NXPE2: variants seen among roughly 807,000 people sequenced by gnomAD.
NXPE2 encodes the protein NXPE family member 2.
In NXPE2, 34 loss-of-function variants were observed where a neutral mutation model predicts 34.4. The observed-to-expected ratio is 0.99, with a 90% CI of 0.75 to 1.31. The LOEUF (loss-of-function observed/expected upper bound fraction) is 1.31. Among genes scored for constraint, NXPE2 ranks in the 40% most tolerant of loss-of-function variants. NXPE2 has a pLI of 0.00. For synonymous variants in NXPE2, 235 were observed against 231.3 expected (o/e 1.02, Z -0.15); for missense variants, 649 against 672.5 (o/e 0.97, Z 0.39).
rs946364891 is a variant in NXPE2, at chr11:114,694,861, G to T, written c.133-3184G>T. On this transcript the variant is annotated intron_variant, in intron 2 of 5. Transcript: ENST00000389586. The stretch of plus-strand genomic sequence containing the variant: ...CTTGTTTTGTATTTTTTTTATTAGA[G>T]CCCTAAGTATTAATACCTCAATCAT... 2.6e-5 allele frequency among the ~76,000 whole-genome samples: 4 copies of T among 151,328 alleles called. 1 individual carries two copies. The highest frequency in any genetic ancestry group is 6.6e-5 in the Admixed American group (1 of 15,228).
At chr11:114,738,359 C>A in the NXPE2 span, among the ~76,000 whole-genome samples, 1 of 152,180 alleles carries the variant, frequency 6.6e-6, no homozygotes, top group African/African-American at 2.4e-5. Flanking sequence ...CACCAGAGTC[C>A]TACCACTATG....
chr11:114,613,364 G>A, the NXPE2 span, among the ~76,000 whole-genome samples: 38,520 of 150,614 alleles, frequency 0.26, 5,436 homozygotes, highest in African/African-American at 0.37. Context: ...GGATAACCAC[G>A]GTTACCCTGT....
the NXPE2 span, among the ~76,000 whole-genome samples, chr11:114,533,812 C>T: frequency 2.0e-5 from 3 of 152,224 alleles, no homozygotes; most frequent in African/African-American, 7.2e-5. Flanking sequence ...TGGAGCCCAC[C>T]ACAGCTCAAG....
At chr11:114,739,641 T>C in the NXPE2 span, among the ~76,000 whole-genome samples, 2 of 152,062 alleles carry the variant, frequency 1.3e-5, no homozygotes, top group Non-Finnish European at 2.9e-5. Flanking sequence ...AATAACATTA[T>C]TATTAACTGT....
At chr11:114,632,570 T>A in the NXPE2 span, among the ~76,000 whole-genome samples, 4 of 113,952 alleles carry the variant, frequency 3.5e-5, no homozygotes, top group Non-Finnish European at 6.5e-5. Flanking sequence ...TATATTTACA[T>A]ATATCATATA....
chr11:114,776,321 G>T, the NXPE2 span, among the ~76,000 whole-genome samples: 2 of 152,252 alleles, frequency 1.3e-5, no homozygotes, highest in Non-Finnish European at 1.5e-5. Context: ...TGTCCGTTTT[G>T]TCCACCTGCC....
At chr11:114,577,356 G>A in the NXPE2 span, among the ~76,000 whole-genome samples, 2 of 151,604 alleles carry the variant, frequency 1.3e-5, no homozygotes, top group Admixed American at 1.3e-4. Flanking sequence ...CTATGAGGAC[G>A]CAAAGGCTTA....
chr11:114,468,131 TAA>T, the NXPE2 span, among the ~76,000 whole-genome samples: 69 of 135,642 alleles, frequency 5.1e-4, 1 homozygote, highest in Admixed American at 8.1e-4. Flanking sequence ...GCTGATGAGC[TAA>T]AAAAAAAAAA....
At chr11:114,559,423 C>T in the NXPE2 span, among the ~76,000 whole-genome samples, 1 of 152,174 alleles carries the variant, frequency 6.6e-6, no homozygotes, top group Non-Finnish European at 1.5e-5. Context: ...CAGTTGTAAA[C>T]AGGTATTTTT....
chr11:114,779,766 C>T, the NXPE2 span, among the ~76,000 whole-genome samples: 1 of 152,200 alleles, frequency 6.6e-6, no homozygotes, highest in African/African-American at 2.4e-5. Flanking sequence ...TGAAAGGACT[C>T]GCTCGCTCAG....
At chr11:114,653,797 G>T in the NXPE2 span, among the ~76,000 whole-genome samples, 1 of 151,874 alleles carries the variant, frequency 6.6e-6, no homozygotes, top group South Asian at 2.1e-4. Context: ...CAAAGTGCTG[G>T]GATTACAGGC....
the NXPE2 span, among the ~76,000 whole-genome samples, chr11:114,579,265 G>A: frequency 1.3e-5 from 2 of 152,116 alleles, no homozygotes; most frequent in Non-Finnish European, 2.9e-5. Flanking sequence ...ACCATGGGGA[G>A]GGCACCAAGC....
At chr11:114,571,161 A>T in the NXPE2 span, 1 of 1,614,004 alleles carries the variant, frequency 6.2e-7, no homozygotes, top group Non-Finnish European at 8.5e-7. Context: ...TGTTTTGATG[A>T]TAACCATAGT....
chr11:114,528,889 T>C, the NXPE2 span: 1 of 606,184 alleles, frequency 1.6e-6, no homozygotes, highest in African/African-American at 1.8e-5. Context: ...GGCATAAGGA[T>C]GGTTGATGGG....
the NXPE2 span, among the ~76,000 whole-genome samples, chr11:114,656,052 C>T: frequency 6.6e-6 from 1 of 152,152 alleles, no homozygotes; most frequent in East Asian, 1.9e-4. Context: ...CCCAAAACTT[C>T]TTGAACTGAT....
chr11:114,694,501 A>C (rs1951211953), intron 2 of NXPE2, among the ~76,000 whole-genome samples: 1 of 152,094 alleles, frequency 6.6e-6, no homozygotes, highest in South Asian at 2.1e-4. Context: ...GTTTTGGAAA[A>C]ATTTCAGTCA....
chr11:114,467,278 C>T, the NXPE2 span, among the ~76,000 whole-genome samples: 1 of 152,158 alleles, frequency 6.6e-6, no homozygotes, highest in Non-Finnish European at 1.5e-5. Flanking sequence ...TTTTTAAAAA[C>T]ATGTTTTAGT....
the NXPE2 span, among the ~76,000 whole-genome samples, chr11:114,632,994 T>A: frequency 3.8e-5 from 4 of 104,810 alleles, no homozygotes; most frequent in Non-Finnish European, 6.8e-5. Flanking sequence ...TTTTATATAA[T>A]ATATAATAAT....
chr11:114,513,398 G>C, the NXPE2 span: 1 of 353,124 alleles, frequency 2.8e-6, no homozygotes, highest in Admixed American at 3.2e-5. Flanking sequence ...TTCATGGTAG[G>C]AGAGAATATT....
Sources: allele counts gnomAD v4.1 joint callset (sites outside exome capture counted in the v4.1 genomes callset), GRCh38; gene constraint gnomAD v4.1.1; transcripts MANE v1.5; gene names NCBI Gene and HGNC (gene_info 2026-07-23, HGNC 2026-07-21).